Variants in E4F1 observed in about 807,000 individuals in gnomAD.
The protein encoded by E4F1 is transcription factor E4F1.
E4F1 carries 30 observed loss-of-function variants against 72.9 expected under a neutral mutation model. That is an observed-to-expected ratio of 0.41 (90% confidence interval 0.31 to 0.56). The LOEUF is 0.56. Ranked by LOEUF, E4F1 falls within the 20% of genes least tolerant of loss-of-function variation. The probability of loss-of-function intolerance (pLI) is 0.25; values close to 1 mark genes in which losing one functional copy is unlikely to be tolerated. For synonymous variants in E4F1, 542 were observed against 478.2 expected, an observed-to-expected ratio of 1.13 and a Z score of -1.74; for missense variants, 1,091 against 1,117.5, an observed-to-expected ratio of 0.98 and a Z score of 0.34.
At chr16:2,223,967 C>T (rs1343282302) in intron 1 of E4F1, 197 bp downstream of exon 1, 14 of 1,513,154 alleles carry the variant, frequency 9.3e-6, no homozygotes, top group South Asian at 1.2e-5. Context: ...CTGCGGGGCG[C>T]CTGTCATCCC....
intron 7 of E4F1, 38 bp from the exon 8 acceptor site, chr16:2,233,400 G>C (rs768338851): frequency 6.7e-7 from 1 of 1,490,892 alleles, no homozygotes; most frequent in Non-Finnish European, 8.9e-7. Context: ...TGGATGCCAG[G>C]CTGCCTGGCC....
rs1337805453 is a variant in E4F1, at chr16:2,233,470, C to T, written c.1089C>T (p.Ser363=). Residue 363 remains serine (S), a synonymous_variant, in exon 8 of 14, where the codon AGC becomes AGT. Coordinates refer to ENST00000301727, the MANE Select transcript of E4F1 (RefSeq NM_004424.5). The stretch of plus-strand genomic sequence containing the variant: ...TCTCCCAGGAGCTCCCCTGCTCCAG[C>T]GAGGGCAGCCGTGAGAACCTGCTGC... ...PPVSQELPCS[S]EGSRENLLHQ... The T allele has an allele frequency of 8.6e-6, 13 of 1,505,014 alleles. No homozygotes were observed. The highest frequency in any genetic ancestry group is 4.2e-5 in the African/African-American group (3 of 71,724). The allele number at this position is 1,505,014 out of a possible 1,614,324, so 93.2% of individuals were successfully genotyped here.
chr16:2,226,715 C>T (rs553545176), intron 1 of E4F1, among the ~76,000 whole-genome samples: 1 of 152,232 alleles, frequency 6.6e-6, no homozygotes, highest in Non-Finnish European at 1.5e-5. Context: ...GGTCATTTTC[C>T]TAGGATGGGA....
Position 2,223,643 on chromosome 16 carries a change from G to C in E4F1, c.30G>C (p.Thr10=), listed in dbSNP as rs780367917. MEGAMAVRV[T]AAHTAEAQAE... is the part of the protein sequence containing the mutation. ...AGGGCGCGATGGCAGTGCGGGTGAC[G>C]GCCGCTCATACGGCAGAAGCCCAGG... is the stretch of plus-strand genomic sequence containing the variant. The change falls in exon 1 of 14, where the codon ACG becomes ACC. Residue 10 remains threonine, a synonymous_variant. Transcript: ENST00000301727. 5 of 1,590,658 alleles carry C rather than the reference G, an allele frequency of 3.1e-6. No homozygotes were observed. The highest frequency in any genetic ancestry group is 2.6e-6 in the Non-Finnish European group (3 of 1,174,156).
At chr16:2,224,958 A>T (rs2093422737) in intron 1 of E4F1, among the ~76,000 whole-genome samples, 1 of 151,988 alleles carries the variant, frequency 6.6e-6, no homozygotes, top group Non-Finnish European at 1.5e-5. Context: ...CACGCCTGTA[A>T]TCCCAGCACT....
chr16:2,227,573 G>C (rs1352004655), intron 1 of E4F1, among the ~76,000 whole-genome samples: 1 of 151,938 alleles, frequency 6.6e-6, no homozygotes. Context: ...GGGGTTTCAC[G>C]GTGTTAGCCA....
chr16:2,228,652 G>A (rs945012308), intron 2 of E4F1, 129 bp downstream of exon 2: 1 of 1,229,946 alleles, frequency 8.1e-7, no homozygotes, highest in Non-Finnish European at 1.1e-6. Context: ...GCAGGCACCT[G>A]GCTGCGGTGT....
chr16:2,234,797 G>C lies in E4F1; in HGVS notation c.1792+16G>C, dbSNP rs775892624. 1.4e-5 allele frequency: 22 copies of C among 1,544,180 alleles called. No individual in the cohort carries two copies. The highest frequency in any genetic ancestry group is 1.9e-5 in the Non-Finnish European group (22 of 1,143,916). ...CGCACCAAAGGTCTGGGCCGGTGGA[G>C]GTGGGAGGGGGAGGGGAGGGGGCCG... On this transcript the variant is annotated intron_variant, in intron 11 of 13. Transcript: ENST00000301727.
chr16:2,225,155 G>A (rs2093423931), intron 1 of E4F1, among the ~76,000 whole-genome samples: 1 of 152,126 alleles, frequency 6.6e-6, no homozygotes, highest in African/African-American at 2.4e-5. Flanking sequence ...GGAGGTCGCA[G>A]TAAGCCGAGA....
intron 1 of E4F1, among the ~76,000 whole-genome samples, chr16:2,224,280 C>T (rs1403815050): frequency 6.6e-6 from 1 of 152,246 alleles, no homozygotes; most frequent in Non-Finnish European, 1.5e-5. Context: ...CTTCCAGTCC[C>T]ACACTTGCCG....
In E4F1 at chr16:2,233,774, C is replaced by T. The variant is rs2093484083; in HGVS notation, c.1267-108C>T. 10 of 1,421,310 alleles carry T rather than the reference C, an allele frequency of 7.0e-6. No homozygotes were observed. In the South Asian group the frequency reaches 1.3e-4, roughly 19 times the overall value. 88.0% of individuals were successfully genotyped at this position (1,421,310 alleles called of 1,614,324 possible). A position where few individuals can be genotyped will look rare whatever the true frequency, so the allele number is the denominator to read the frequency against. ...TGTCCATTGATCTGTTTACTGCCTT[C>T]CCTGGGGCCACAAGGGAGCCTGCCA... On this transcript the variant is annotated intron_variant, in intron 8 of 13. Transcript: ENST00000301727.
At chr16:2,224,698 G>A (rs926303849) in intron 1 of E4F1, among the ~76,000 whole-genome samples, 1 of 152,118 alleles carries the variant, frequency 6.6e-6, no homozygotes, top group African/African-American at 2.4e-5. Flanking sequence ...GCGGAGAATG[G>A]CGTGAACTCG....
Position 2,233,498 on chromosome 16 carries a change from C to G in E4F1, c.1117C>G (p.Gln373Glu). ...GGGCAGCCGTGAGAACCTGCTGCACCAGGCCATGCAGAACTCCGGCATCGT... is the reference window on the plus strand; with the variant it reads ...GGGCAGCCGTGAGAACCTGCTGCACGAGGCCATGCAGAACTCCGGCATCGT... ...SEGSRENLLH[Q>E]AMQNSGIVLE... Residue 373 changes from glutamine (Q) to glutamate (E), a missense_variant, in exon 8 of 14, where the codon CAG becomes GAG. By Grantham distance (29) the Gln-to-Glu change is conservative. Coordinates refer to ENST00000301727, the MANE Select transcript of E4F1 (RefSeq NM_004424.5). 6.6e-7 allele frequency: 1 copy of G among 1,511,984 alleles called. No individual in the cohort carries two copies. Among genetic ancestry groups the G allele is most frequent in the Non-Finnish European group, 8.8e-7 (1 of 1,132,082 alleles). The allele number at this position is 1,511,984 out of a possible 1,614,324, so 93.7% of individuals were successfully genotyped here.
chr16:2,226,178 C>T (rs933773297), intron 1 of E4F1, among the ~76,000 whole-genome samples: 2 of 152,124 alleles, frequency 1.3e-5, no homozygotes, highest in Non-Finnish European at 2.9e-5. Context: ...TGTCTTTGTC[C>T]CCATAGGATT....
chr16:2,227,689 T>C lies in E4F1; in HGVS notation c.158-683T>C, dbSNP rs184018937. ...CCTAATTTTGTATTTTTAGTAGAGA[T>C]GGGATTTCACCATATTGGTCAGGCT... On this transcript the variant is annotated intron_variant, in intron 1 of 13. Transcript: ENST00000301727. Among the ~76,000 whole-genome samples the C allele has an allele frequency of 5.8e-4, 88 of 152,200 alleles. 3 individuals carry two copies. The highest frequency in any genetic ancestry group is 4.6e-3 in the Admixed American group (71 of 15,292).
At position 2,233,967 on chromosome 16, in the gene E4F1, A is replaced by C; in HGVS notation, c.1352A>C (p.Glu451Ala). 1 of 1,597,472 alleles carries C rather than the reference A, an allele frequency of 6.3e-7. No individual in the cohort carries two copies. The highest frequency in any genetic ancestry group is 8.5e-7 in the Non-Finnish European group (1 of 1,172,328). ...SETFPTAATL[E>A]AHKRGHTGPR... ...ACCTTCCCGACAGCAGCCACCCTGG[A>C]GGCCCACAAGAGGGGCCACACCGGT... is the stretch of plus-strand genomic sequence containing the variant. The change falls in exon 9 of 14, where the codon GAG becomes GCG. Residue 451 changes from glutamate to alanine, a missense_variant. By Grantham distance (107) the Glu-to-Ala change is moderately radical (BLOSUM62 -1). Coordinates refer to ENST00000301727, the MANE Select transcript of E4F1 (RefSeq NM_004424.5).
intron 1 of E4F1, among the ~76,000 whole-genome samples, chr16:2,226,781 G>C (rs2141437942): frequency 6.6e-6 from 1 of 152,360 alleles, no homozygotes; most frequent in Non-Finnish European, 1.5e-5. Flanking sequence ...TCCCCAGTGA[G>C]GTGCTTGGCA....
intron 2 of E4F1, 30 bp downstream of exon 2, chr16:2,228,553 CCCGGGT>C: frequency 6.2e-7 from 1 of 1,602,690 alleles, no homozygotes; most frequent in Non-Finnish European, 8.5e-7. Flanking sequence ...CCCATCCCCT[CCCGGGT>C]TCACCTGACA....
At position 2,232,765 on chromosome 16, in the gene E4F1, C is replaced by T. The variant is rs2093476120; in HGVS notation, c.740C>T (p.Pro247Leu). 6.2e-7 allele frequency: 1 copy of T among 1,613,106 alleles called. No individual in the cohort carries two copies. Among genetic ancestry groups the T allele is most frequent in the South Asian group, 1.1e-5 (1 of 91,094 alleles). Residue 247 changes from proline to leucine, a missense_variant, in exon 6 of 14, where the codon CCC becomes CTC. Physicochemically the swap from Pro to Leu is moderately conservative, Grantham distance 98. Coordinates refer to ENST00000301727, the MANE Select transcript of E4F1 (RefSeq NM_004424.5). Reference sequence around the variant, plus strand: ...TAGGTTCTCTCTGCAGATGAGCGCCCCTACAAGTGCTCCAAGTGTGGAAAG... The same window carrying T: ...TAGGTTCTCTCTGCAGATGAGCGCCTCTACAAGTGCTCCAAGTGTGGAAAG... ...RHHRRHTDER[P>L]YKCSKCGKSF... is the part of the protein sequence containing the mutation.
Sources: gnomAD v4.1 joint callset for allele counts (sites outside exome capture counted in the v4.1 genomes callset) on GRCh38, gnomAD v4.1.1 for gene constraint, MANE v1.5 for transcripts, NCBI Gene and HGNC (gene_info 2026-07-23, HGNC 2026-07-21) for gene names.